The following CADM2 variants were observed in gnomAD, a reference collection of about 807,000 sequenced individuals.
CADM2 encodes the protein cell adhesion molecule 2, also known as immunoglobulin superfamily member 4D.
Under a neutral mutation model 49.8 loss-of-function variants are expected in CADM2, and 12 were observed. The ratio of observed to expected loss-of-function variants is 0.24; its 90% CI spans 0.15 to 0.39. The LOEUF is 0.39. CADM2 is among the 10% of genes least tolerant of loss of function. The pLI is 1.00. For synonymous variants in CADM2, 214 were observed against 175.4 expected, an observed-to-expected ratio of 1.22 and a Z score of -1.74; for missense variants, 378 against 492.3, an observed-to-expected ratio of 0.77 and a Z score of 2.20.
chr3:85,975,250 TA>T (rs1468370783), intron 8 of CADM2, among the ~76,000 whole-genome samples: 1 of 151,578 alleles, frequency 6.6e-6, no homozygotes, highest in Non-Finnish European at 1.5e-5. Context: ...GTGGTGAGAA[TA>T]AATTGGCTAA....
chr3:85,477,145 G>T (rs1287449495), intron 1 of CADM2, among the ~76,000 whole-genome samples: 1 of 150,900 alleles, frequency 6.6e-6, no homozygotes, highest in Non-Finnish European at 1.5e-5. Flanking sequence ...ACCTCGAGAG[G>T]CAAGAATACC....
chr3:85,905,406 A>T (rs893347601), intron 5 of CADM2, among the ~76,000 whole-genome samples: 3 of 152,188 alleles, frequency 2.0e-5, no homozygotes, highest in African/African-American at 4.8e-5. Flanking sequence ...AAGACTGACA[A>T]CTGTCCCCGA....
At chr3:85,455,239 T>C (rs1332147585) in intron 1 of CADM2, among the ~76,000 whole-genome samples, 3 of 152,194 alleles carry the variant, frequency 2.0e-5, no homozygotes, top group Non-Finnish European at 2.9e-5. Flanking sequence ...GTTTTAAAAT[T>C]CTCTTTGAAT....
intron 8 of CADM2, among the ~76,000 whole-genome samples, chr3:86,058,815 C>G (rs1399554375): frequency 6.6e-6 from 1 of 151,750 alleles, no homozygotes; most frequent in Non-Finnish European, 1.5e-5. Context: ...TTTACATGGT[C>G]AGACGCAGTG....
chr3:85,608,238 T>A (rs2063585623), intron 1 of CADM2, among the ~76,000 whole-genome samples: 1 of 152,140 alleles, frequency 6.6e-6, no homozygotes, highest in Admixed American at 6.6e-5. Context: ...ACATATACAC[T>A]CATGTGTTGC....
chr3:85,080,068 C>G (rs1235159846), intron 1 of CADM2, among the ~76,000 whole-genome samples: 1 of 151,934 alleles, frequency 6.6e-6, no homozygotes, highest in Non-Finnish European at 1.5e-5. Context: ...AAACAAATAT[C>G]ATAATACTAT....
chr3:85,372,410 T>C (rs1216173199), intron 1 of CADM2, among the ~76,000 whole-genome samples: 1 of 136,902 alleles, frequency 7.3e-6, no homozygotes, highest in Non-Finnish European at 1.5e-5. Flanking sequence ...TATATGTATA[T>C]ATATGTATAT....
chr3:85,483,061 A>G (rs1022197002), intron 1 of CADM2, among the ~76,000 whole-genome samples: 5 of 151,580 alleles, frequency 3.3e-5, no homozygotes, highest in African/African-American at 9.7e-5. Context: ...ATTTCTCAAA[A>G]CATAACTTGG....
intron 1 of CADM2, among the ~76,000 whole-genome samples, chr3:85,467,837 G>T (rs901243898): frequency 6.6e-6 from 1 of 152,088 alleles, no homozygotes; most frequent in East Asian, 1.9e-4. Flanking sequence ...AGCACAGCAG[G>T]TCCTGAAATA....
chr3:85,027,336 A>C (rs2034781185), intron 1 of CADM2, among the ~76,000 whole-genome samples: 1 of 151,338 alleles, frequency 6.6e-6, no homozygotes, highest in South Asian at 2.1e-4. Context: ...GGATGGTCTC[A>C]ATCTCCGGAC....
chr3:85,943,452 G>C (rs1722233462), intron 7 of CADM2, among the ~76,000 whole-genome samples: 1 of 147,434 alleles, frequency 6.8e-6, no homozygotes, highest in African/African-American at 2.6e-5. Flanking sequence ...TTTCTTCTAG[G>C]GTTTTTATGG....
chr3:85,151,248 T>G (rs760950286), intron 1 of CADM2, among the ~76,000 whole-genome samples: 7 of 152,122 alleles, frequency 4.6e-5, no homozygotes, highest in Non-Finnish European at 1.0e-4. Context: ...GGGCTTTTCT[T>G]TACTATATTC....
chr3:85,722,677 G>A (rs187363699), intron 1 of CADM2, among the ~76,000 whole-genome samples: 18 of 152,228 alleles, frequency 1.2e-4, no homozygotes, highest in African/African-American at 4.3e-4. Context: ...AAAAATATAT[G>A]ACCCTTGTGT....
intron 1 of CADM2, among the ~76,000 whole-genome samples, chr3:85,132,459 T>C (rs2039264204): frequency 6.6e-6 from 1 of 152,202 alleles, no homozygotes; most frequent in Non-Finnish European, 1.5e-5. Flanking sequence ...CTGGACTTGA[T>C]CTAACAGATT....
chr3:85,861,528 A>C (rs918070923), intron 3 of CADM2, among the ~76,000 whole-genome samples: 5 of 152,168 alleles, frequency 3.3e-5, no homozygotes, highest in African/African-American at 1.2e-4. Context: ...ACTGTTATGC[A>C]TGCAACTGGA....
intron 1 of CADM2, among the ~76,000 whole-genome samples, chr3:85,706,321 T>C (rs1190387468): frequency 6.6e-6 from 1 of 152,246 alleles, no homozygotes; most frequent in Non-Finnish European, 1.5e-5. Flanking sequence ...GCCTGTTTTA[T>C]TTCCCAGAAC....
chr3:84,987,543 A>G (rs903118502), intron 1 of CADM2, among the ~76,000 whole-genome samples: 15 of 152,124 alleles, frequency 9.9e-5, no homozygotes, highest in Admixed American at 3.9e-4. Context: ...CCACCAGATC[A>G]TAGATCTTCT....
intron 8 of CADM2, among the ~76,000 whole-genome samples, chr3:86,011,164 G>T (rs1005373642): frequency 6.6e-6 from 1 of 151,926 alleles, no homozygotes; most frequent in Non-Finnish European, 1.5e-5. Context: ...ACAGCACAGA[G>T]AAAGAAAATT....
intron 1 of CADM2, among the ~76,000 whole-genome samples, chr3:85,532,032 C>T (rs1252069891): frequency 6.6e-6 from 1 of 152,126 alleles, no homozygotes; most frequent in East Asian, 1.9e-4. Context: ...AAAAAATTAG[C>T]CAGGCGTGGT....
Sources: allele counts gnomAD v4.1 joint callset (sites outside exome capture counted in the v4.1 genomes callset), GRCh38; gene constraint gnomAD v4.1.1; transcripts MANE v1.5; gene names NCBI Gene and HGNC (gene_info 2026-07-23, HGNC 2026-07-21).